Variants in TMEM232 observed in about 807,000 individuals in gnomAD.
The protein encoded by TMEM232 is transmembrane protein 232.
A neutral mutation model predicts 78.8 loss-of-function variants in TMEM232; 80 were observed. The observed-to-expected ratio is 1.01, with a 90% CI of 0.85 to 1.22. The LOEUF (loss-of-function observed/expected upper bound fraction) is 1.22. Ranked by LOEUF, TMEM232 falls within the 50% of genes most tolerant of loss-of-function variation. The pLI is 0.00. For synonymous variants in TMEM232, 297 were observed against 254.3 expected (o/e 1.17, Z -1.60); for missense variants, 881 against 742.2 (o/e 1.19, Z -2.17).
intron 1 of TMEM232, among the ~76,000 whole-genome samples, chr5:110,702,667 G>A (rs1795547522): frequency 6.6e-6 from 1 of 152,014 alleles, no homozygotes; most frequent in Admixed American, 6.6e-5. Flanking sequence ...AGGATTTACA[G>A]GAGACACTCC....
At chr5:110,615,238 G>A (rs543327418) in intron 8 of TMEM232, among the ~76,000 whole-genome samples, 77 of 151,946 alleles carry the variant, frequency 5.1e-4, no homozygotes, top group African/African-American at 1.4e-3. Flanking sequence ...CTTTTAGAAG[G>A]GTCTACAGTT....
intron 2 of TMEM232, among the ~76,000 whole-genome samples, chr5:110,650,561 C>A (rs1239948752): frequency 6.6e-6 from 1 of 152,110 alleles, no homozygotes; most frequent in Non-Finnish European, 1.5e-5. Context: ...AGGTCTCTCT[C>A]ACAGAAACTG....
chr5:110,400,106 T>A (rs1344802501), intron 2 of TMEM232, among the ~76,000 whole-genome samples: 1 of 152,128 alleles, frequency 6.6e-6, no homozygotes. Flanking sequence ...CCATAAATGT[T>A]TAAACAGTAA....
intron 11 of TMEM232, among the ~76,000 whole-genome samples, chr5:110,535,393 G>A (rs1393357070): frequency 2.0e-5 from 3 of 151,852 alleles, no homozygotes; most frequent in South Asian, 4.2e-4. Context: ...CCTATAAAAC[G>A]GCCCCACACC....
intron 2 of TMEM232, among the ~76,000 whole-genome samples, chr5:110,409,548 G>A (rs2112580276): frequency 6.6e-6 from 1 of 152,336 alleles, no homozygotes; most frequent in South Asian, 2.1e-4. Flanking sequence ...TACATTCACA[G>A]TCTGAGTTGC....
intron 10 of TMEM232, 106 bp from the exon 11 acceptor site, chr5:110,568,731 T>A (rs1218084361): frequency 1.8e-6 from 2 of 1,136,984 alleles, no homozygotes; most frequent in African/African-American, 3.3e-5. Context: ...CATAATAATA[T>A]TCTAAAGTCT....
At chr5:110,503,835 C>A (rs1766553184) in intron 12 of TMEM232, among the ~76,000 whole-genome samples, 2 of 152,302 alleles carry the variant, frequency 1.3e-5, no homozygotes, top group East Asian at 1.9e-4. Flanking sequence ...TATGAAATGA[C>A]TGTGCATAAA....
intron 12 of TMEM232, among the ~76,000 whole-genome samples, chr5:110,493,974 C>T (rs996832820): frequency 6.6e-6 from 1 of 151,946 alleles, no homozygotes; most frequent in African/African-American, 2.4e-5. Context: ...TGTTCCCCTG[C>T]CTGTGTCCAT....
rs188426762 is a variant in TMEM232, at chr5:110,480,161, T to G, written c.1703+48427A>C. On this transcript the variant is annotated intron_variant, in intron 12 of 13. Transcript: ENST00000455884. ...AGGGAAAGCTAATGTTAAGTAAGCA[T>G]AGCAGTCTACTTCAGTGTTACTTAA... Among the ~76,000 whole-genome samples, 706 of 151,918 alleles carry G rather than the reference T, an allele frequency of 4.6e-3. 7 individuals are homozygous for G. Among genetic ancestry groups the G allele is most frequent in the African/African-American group, 0.016 (682 of 41,516 alleles).
At chr5:110,539,075 T>C (rs1298356465) in intron 11 of TMEM232, among the ~76,000 whole-genome samples, 6 of 152,152 alleles carry the variant, frequency 3.9e-5, no homozygotes, top group Non-Finnish European at 5.9e-5. Flanking sequence ...CCTGGCAGAA[T>C]TGCTAACAGG....
chr5:110,674,901 A>G (rs1452726969), intron 1 of TMEM232, among the ~76,000 whole-genome samples: 17 of 152,246 alleles, frequency 1.1e-4, no homozygotes, highest in Admixed American at 7.9e-4. Context: ...CACAAGTGCA[A>G]TTTGGACATA....
intron 2 of TMEM232, among the ~76,000 whole-genome samples, chr5:110,398,419 A>G (rs1175849901): frequency 6.6e-6 from 1 of 152,154 alleles, no homozygotes; most frequent in Non-Finnish European, 1.5e-5. Flanking sequence ...TATCGCGTGC[A>G]GGTTCTGTAG....
chr5:110,553,237 A>T (rs1393697930), intron 11 of TMEM232, among the ~76,000 whole-genome samples: 1 of 152,112 alleles, frequency 6.6e-6, no homozygotes. Flanking sequence ...TTCCATATGA[A>T]TTTGAGAACT....
At chr5:110,522,148 G>A (rs764581320) in intron 12 of TMEM232, among the ~76,000 whole-genome samples, 9 of 151,304 alleles carry the variant, frequency 5.9e-5, no homozygotes, top group Non-Finnish European at 1.2e-4. Flanking sequence ...CCTTATTTAA[G>A]TTTATTTCCA....
intron 4 of TMEM232, among the ~76,000 whole-genome samples, chr5:110,388,937 T>C (rs1755079601): frequency 6.6e-6 from 1 of 152,030 alleles, no homozygotes. Flanking sequence ...TTACTTGTGT[T>C]GGAGGAGAGA....
chr5:110,620,856 C>T (rs1254477968), intron 7 of TMEM232, among the ~76,000 whole-genome samples: 6 of 130,656 alleles, frequency 4.6e-5, no homozygotes, highest in South Asian at 2.4e-4. Context: ...GTATTTCAAG[C>T]GCTTTTTTTT....
At chr5:110,577,087 T>C (rs776342475) in intron 10 of TMEM232, among the ~76,000 whole-genome samples, 42 of 151,398 alleles carry the variant, frequency 2.8e-4, no homozygotes, top group Non-Finnish European at 5.6e-4. Flanking sequence ...ATGAACAGAG[T>C]AGACAATCTT....
chr5:110,528,861 C>A, intron 11 of TMEM232, 26 bp from the exon 12 acceptor site: 1 of 1,366,324 alleles, frequency 7.3e-7, no homozygotes, highest in South Asian at 2.0e-5. Flanking sequence ...AGAAAGGAAT[C>A]AGTTGAAACA....
At chr5:110,591,785 C>A (rs6893497) in intron 10 of TMEM232, among the ~76,000 whole-genome samples, 59,051 of 151,830 alleles carry the variant, frequency 0.39, 15,990 homozygotes, top group African/African-American at 0.77. Flanking sequence ...TTTTCACTCT[C>A]AACAAAAGAC....
Sources: allele counts gnomAD v4.1 joint callset (sites outside exome capture counted in the v4.1 genomes callset), GRCh38; gene constraint gnomAD v4.1.1; transcripts MANE v1.5; gene names NCBI Gene and HGNC (gene_info 2026-07-23, HGNC 2026-07-21).